The following ZBTB7C variants were observed in gnomAD, a reference collection of about 807,000 sequenced individuals.
The protein encoded by ZBTB7C is zinc finger and BTB domain-containing protein 7C.
ZBTB7C carries 8 observed loss-of-function variants against 25.7 expected under a neutral mutation model. That is an observed-to-expected ratio of 0.31 (90% confidence interval 0.18 to 0.56). ZBTB7C has a LOEUF of 0.56. Among genes scored for constraint, ZBTB7C ranks in the 20% least tolerant of loss-of-function variants. The pLI is 0.91. For synonymous variants in ZBTB7C, 394 were observed against 369.0 expected, an observed-to-expected ratio of 1.07 and a Z score of -0.78; for missense variants, 824 against 855.2, an observed-to-expected ratio of 0.96 and a Z score of 0.46.
At chr18:48,358,457 A>C (rs1284295031) in intron 1 of ZBTB7C, among the ~76,000 whole-genome samples, 1 of 152,204 alleles carries the variant, frequency 6.6e-6, no homozygotes, top group Non-Finnish European at 1.5e-5. Flanking sequence ...CATGATTGGA[A>C]GCTTCCTGAG....
chr18:48,402,762 T>C (rs1467299017), intron 1 of ZBTB7C, among the ~76,000 whole-genome samples: 1 of 152,220 alleles, frequency 6.6e-6, no homozygotes, highest in African/African-American at 2.4e-5. Flanking sequence ...ATGTTGCTGG[T>C]TCCAGAAAAA....
At chr18:48,127,186 G>A (rs1424576006) in intron 3 of ZBTB7C, among the ~76,000 whole-genome samples, 14 of 152,148 alleles carry the variant, frequency 9.2e-5, no homozygotes, top group South Asian at 2.1e-4. Context: ...CCAAGGCCAC[G>A]GAGCCTGCAG....
At chr18:48,092,940 CT>C (rs2038474697) in intron 3 of ZBTB7C, among the ~76,000 whole-genome samples, 1 of 152,208 alleles carries the variant, frequency 6.6e-6, no homozygotes, top group Non-Finnish European at 1.5e-5. Context: ...ATGAAATACC[CT>C]GGTATACTTC....
intron 3 of ZBTB7C, among the ~76,000 whole-genome samples, chr18:48,174,001 T>C (rs144052014): frequency 6.6e-6 from 1 of 152,382 alleles, no homozygotes; most frequent in African/African-American, 2.4e-5. Context: ...CCAATTCATC[T>C]TTTAGAATCT....
intron 1 of ZBTB7C, among the ~76,000 whole-genome samples, chr18:48,371,468 C>A (rs57634076): frequency 0.018 from 2,674 of 152,296 alleles, 89 homozygotes; most frequent in African/African-American, 0.061. Flanking sequence ...ATCATTCAGA[C>A]AATTAGCAGC....
At chr18:48,303,547 T>A (rs769528922) in intron 2 of ZBTB7C, among the ~76,000 whole-genome samples, 1 of 152,192 alleles carries the variant, frequency 6.6e-6, no homozygotes, top group African/African-American at 2.4e-5. Context: ...CCACAAAAGA[T>A]GAGGCTTTGA....
At chr18:48,219,169 G>T (rs1421602133) in intron 2 of ZBTB7C, among the ~76,000 whole-genome samples, 1 of 152,158 alleles carries the variant, frequency 6.6e-6, no homozygotes, top group African/African-American at 2.4e-5. Context: ...AGCAGCCAGA[G>T]CATGAGGGGG....
At chr18:48,360,222 T>C (rs1383376164) in intron 1 of ZBTB7C, among the ~76,000 whole-genome samples, 1 of 152,166 alleles carries the variant, frequency 6.6e-6, no homozygotes, top group Non-Finnish European at 1.5e-5. Flanking sequence ...CTATAAACAT[T>C]TGCACCTCCT....
intron 3 of ZBTB7C, among the ~76,000 whole-genome samples, chr18:48,120,801 G>A (rs1249636679): frequency 6.6e-6 from 1 of 152,204 alleles, no homozygotes; most frequent in Non-Finnish European, 1.5e-5. Flanking sequence ...AAATGAAGCG[G>A]CTCCTTTGGC....
chr18:48,404,517 C>T (rs977684785), intron 1 of ZBTB7C, among the ~76,000 whole-genome samples: 1 of 152,172 alleles, frequency 6.6e-6, no homozygotes, highest in Admixed American at 6.5e-5. Context: ...AAAACTCACT[C>T]TGCCTGCTCT....
At position 48,072,866 on chromosome 18, in the gene ZBTB7C, G is replaced by A. The variant is rs189027955; in HGVS notation, c.-16-31743C>T. ...GCTGGGACCCCAGATGTTTGACCCT[G>A]GCCAGCCCCTTGCTGGCCTTCCCGA... is the stretch of plus-strand genomic sequence containing the variant. On this transcript the variant is annotated intron_variant, in intron 3 of 4. Transcript: ENST00000590800. 2.4e-3 allele frequency among the ~76,000 whole-genome samples: 366 copies of A among 152,300 alleles called. 1 individual carries two copies. The highest frequency in any genetic ancestry group is 6.8e-3 in the Middle Eastern group (2 of 294).
At chr18:48,068,340 C>T (rs896178330) in intron 3 of ZBTB7C, among the ~76,000 whole-genome samples, 1 of 151,808 alleles carries the variant, frequency 6.6e-6, no homozygotes, top group Non-Finnish European at 1.5e-5. Flanking sequence ...GGGGTTTCAC[C>T]GTGTTAGCCA....
At chr18:48,192,430 G>C (rs959164939) in intron 2 of ZBTB7C, among the ~76,000 whole-genome samples, 1 of 152,214 alleles carries the variant, frequency 6.6e-6, no homozygotes, top group Non-Finnish European at 1.5e-5. Flanking sequence ...GGTACAACGT[G>C]GACCGTGAAC....
intron 4 of ZBTB7C, among the ~76,000 whole-genome samples, chr18:48,038,496 T>TAG (rs10654615): frequency 0.4 from 60,269 of 151,430 alleles, 13,338 homozygotes; most frequent in African/African-American, 0.61. Flanking sequence ...CAACTTCCAG[T>TAG]AGTTTCCAAG....
chr18:48,217,713 C>T lies in ZBTB7C; in HGVS notation c.-78-31718G>A, dbSNP rs78156995. Among the ~76,000 whole-genome samples, 431 of 152,276 alleles carry T rather than the reference C, an allele frequency of 2.8e-3. 2 individuals are homozygous for T. Among genetic ancestry groups the T allele is most frequent in the African/African-American group, 9.8e-3 (407 of 41,542 alleles). ...CATCACGGCACTAACCCCACTGCCCCAACTCACAGGGCCCTATCACTAGGC... is the reference window on the plus strand; with the variant it reads ...CATCACGGCACTAACCCCACTGCCCTAACTCACAGGGCCCTATCACTAGGC... On this transcript the variant is annotated intron_variant, in intron 2 of 4. Coordinates refer to ENST00000590800, the MANE Select transcript of ZBTB7C (RefSeq NM_001318841.2).
At chr18:48,179,222 GAGA>G (rs559971240) in intron 3 of ZBTB7C, among the ~76,000 whole-genome samples, 1 of 152,358 alleles carries the variant, frequency 6.6e-6, no homozygotes, top group African/African-American at 2.4e-5. Context: ...TAAGTAAACA[GAGA>G]AGTTCTTAGC....
intron 1 of ZBTB7C, among the ~76,000 whole-genome samples, chr18:48,365,083 A>C (rs936563889): frequency 1.3e-5 from 2 of 152,216 alleles, no homozygotes; most frequent in Non-Finnish European, 2.9e-5. Flanking sequence ...ATGGATTTAC[A>C]AGGAGCTACA....
At chr18:48,053,462 G>GC (rs1200603541) in intron 3 of ZBTB7C, among the ~76,000 whole-genome samples, 1 of 152,172 alleles carries the variant, frequency 6.6e-6, no homozygotes, top group Non-Finnish European at 1.5e-5. Flanking sequence ...TACTCTGGGT[G>GC]CCCATTAGGT....
At chr18:48,350,336 GT>G (rs1338432960) in intron 1 of ZBTB7C, among the ~76,000 whole-genome samples, 1 of 152,122 alleles carries the variant, frequency 6.6e-6, no homozygotes, top group Non-Finnish European at 1.5e-5. Flanking sequence ...TTCCTCCATC[GT>G]CAAAGCTAGA....
Sources: gnomAD v4.1 joint callset for allele counts (sites outside exome capture counted in the v4.1 genomes callset) on GRCh38, gnomAD v4.1.1 for gene constraint, MANE v1.5 for transcripts, NCBI Gene and HGNC (gene_info 2026-07-23, HGNC 2026-07-21) for gene names.